The following MYO5B variants were observed in gnomAD, a reference collection of about 807,000 sequenced individuals.
MYO5B encodes the protein unconventional myosin-Vb.
MYO5B carries 143 observed loss-of-function variants against 229.3 expected under a neutral mutation model. The observed-to-expected ratio is 0.62, with a 90% CI of 0.54 to 0.72. MYO5B has a LOEUF of 0.72. Among genes scored for constraint, MYO5B ranks in the 30% least tolerant of loss-of-function variants. MYO5B has a pLI of 0.00. For missense variants in MYO5B, 2,321 were observed against 2,331.0 expected, an observed-to-expected ratio of 1.00 and a Z score of 0.09; for synonymous variants, 918 against 885.2, an observed-to-expected ratio of 1.04 and a Z score of -0.66.
intron 9 of MYO5B, among the ~76,000 whole-genome samples, chr18:49,979,004 A>G (rs917405853): frequency 6.6e-6 from 1 of 152,168 alleles, no homozygotes; most frequent in African/African-American, 2.4e-5. Context: ...ATGGGGAGGC[A>G]CAGATGCTCT....
chr18:50,070,018 CTTTT>C (rs765610800), intron 1 of MYO5B, among the ~76,000 whole-genome samples: 7 of 110,064 alleles, frequency 6.4e-5, no homozygotes, highest in African/African-American at 1.1e-4. Context: ...GCAATTTAGT[CTTTT>C]TTTTTTTTTT....
At position 50,115,912 on chromosome 18, in the gene MYO5B, C is replaced by T. The variant is rs181368719; in HGVS notation, c.28-60534G>A. 1.0e-3 allele frequency among the ~76,000 whole-genome samples: 158 copies of T among 152,104 alleles called. 2 individuals are homozygous for T. Among genetic ancestry groups the T allele is most frequent in the South Asian group, 6.2e-4 (3 of 4,802 alleles). ...TGGCTGCTTGCCTTCTACTTTTAAA[C>T]GAACAGGTTTTGAATGTTTCCAGTT... is the stretch of plus-strand genomic sequence containing the variant. On this transcript the variant is annotated intron_variant, in intron 1 of 39. Coordinates refer to ENST00000285039, the MANE Select transcript of MYO5B (RefSeq NM_001080467.3).
chr18:50,034,482 G>A (rs369205010), intron 4 of MYO5B, among the ~76,000 whole-genome samples: 54 of 152,332 alleles, frequency 3.5e-4, no homozygotes, highest in African/African-American at 1.3e-3. Context: ...GGTGGCTCAC[G>A]CCTGTAATCC....
rs1339641294 is a variant in MYO5B at position 50,001,390 on chromosome 18, G to T, written c.477C>A (p.Ile159=). ...QMARDEKNQS[I]IVSGESGAGK... is the part of the protein sequence containing the mutation. ...CGGCTCCAGACTCCCCACTGACTAT[G>T]ATGGACTGATTCTTCTCATCTCTGG... Residue 159 remains isoleucine, a synonymous_variant, in exon 5 of 40, where the codon ATC becomes ATA. Coordinates refer to ENST00000285039, the MANE Select transcript of MYO5B (RefSeq NM_001080467.3). 6.2e-7 allele frequency: 1 copy of T among 1,614,044 alleles called. No individual in the cohort carries two copies. Among genetic ancestry groups the T allele is most frequent in the South Asian group, 1.1e-5 (1 of 91,084 alleles).
chr18:50,143,769 AG>A (rs2032455209), intron 1 of MYO5B, among the ~76,000 whole-genome samples: 1 of 152,182 alleles, frequency 6.6e-6, no homozygotes, highest in Admixed American at 6.5e-5. Context: ...CAGCAATAGA[AG>A]GTCAGAACAT....
At chr18:50,041,386 C>T (rs1048777746) in intron 2 of MYO5B, among the ~76,000 whole-genome samples, 2 of 152,126 alleles carry the variant, frequency 1.3e-5, no homozygotes, top group Non-Finnish European at 2.9e-5. Flanking sequence ...CCTCTCACCC[C>T]ATCTTTAGAG....
intron 1 of MYO5B, among the ~76,000 whole-genome samples, chr18:50,069,022 A>G (rs2030889119): frequency 6.6e-6 from 1 of 152,154 alleles, no homozygotes; most frequent in Admixed American, 6.5e-5. Context: ...CTTTGTTTTC[A>G]GAATAAGTAG....
At chr18:49,922,739 G>A (rs1010874295) in intron 17 of MYO5B, among the ~76,000 whole-genome samples, 1 of 151,684 alleles carries the variant, frequency 6.6e-6, no homozygotes, top group Non-Finnish European at 1.5e-5. Context: ...CAGAAATACA[G>A]TCATTCCTTC....
intron 17 of MYO5B, among the ~76,000 whole-genome samples, chr18:49,919,247 G>A (rs959651028): frequency 1.3e-5 from 2 of 151,788 alleles, no homozygotes; most frequent in Non-Finnish European, 2.9e-5. Context: ...ATGTTAGTTA[G>A]TCTTTGTGAC....
intron 18 of MYO5B, among the ~76,000 whole-genome samples, chr18:49,907,689 G>A (rs778176803): frequency 1.3e-5 from 2 of 152,262 alleles, no homozygotes; most frequent in Non-Finnish European, 2.9e-5. Context: ...CATAGGTTAA[G>A]CCCTATTGGG....
intron 1 of MYO5B, chr18:50,097,458 T>C: frequency 1.2e-5 from 4 of 340,282 alleles, no homozygotes; most frequent in South Asian, 9.3e-5. Flanking sequence ...AAAATGGCTT[T>C]GAACTCAACC....
intron 1 of MYO5B, among the ~76,000 whole-genome samples, chr18:50,183,327 ATATATATATATC>A (rs927435710): frequency 1.5e-4 from 14 of 95,986 alleles, no homozygotes; most frequent in East Asian, 3.5e-4. Context: ...ATATATATAT[ATATATATATATC>A]TCCTTCAATA....
chr18:49,896,512 C>T (rs2024781023), intron 21 of MYO5B, among the ~76,000 whole-genome samples: 1 of 152,164 alleles, frequency 6.6e-6, no homozygotes, highest in Non-Finnish European at 1.5e-5. Flanking sequence ...GGAGTAGCCA[C>T]CCTCTGACTT....
At chr18:49,844,609 G>A (rs2024102673) in intron 33 of MYO5B, among the ~76,000 whole-genome samples, 1 of 152,232 alleles carries the variant, frequency 6.6e-6, no homozygotes, top group Non-Finnish European at 1.5e-5. Context: ...ATAACTGTAG[G>A]CCATAATACT....
At chr18:49,975,727 A>G (rs2025742708) in intron 9 of MYO5B, among the ~76,000 whole-genome samples, 1 of 152,094 alleles carries the variant, frequency 6.6e-6, no homozygotes, top group Non-Finnish European at 1.5e-5. Flanking sequence ...CTCTTTTCCT[A>G]CAGGCAAAAA....
At chr18:49,856,961 A>G (rs2024270359) in intron 29 of MYO5B, 71 bp from the exon 30 acceptor site, 3 of 1,325,248 alleles carry the variant, frequency 2.3e-6, no homozygotes, top group Non-Finnish European at 3.3e-6. Context: ...GGAGTCCTGG[A>G]AAGTGAGGAG....
chr18:49,982,751 A>C (rs2025829238), intron 8 of MYO5B, among the ~76,000 whole-genome samples: 1 of 152,250 alleles, frequency 6.6e-6, no homozygotes, highest in Admixed American at 6.5e-5. Flanking sequence ...ATGGCCCACA[A>C]AACTAAAAAA....
Position 49,877,744 on chromosome 18 carries a change from A to T in MYO5B, c.3396+19T>A. The T allele has an allele frequency of 6.2e-7, 1 of 1,613,640 alleles. No homozygotes were observed. Among genetic ancestry groups the T allele is most frequent in the Non-Finnish European group, 8.5e-7 (1 of 1,179,728 alleles). ...CTCCCTCTGGAGGAGGACAGTACCC[A>T]AGAGCCTGCATCACTCACCTCCACC... On this transcript the variant is annotated intron_variant, in intron 25 of 39. Coordinates refer to ENST00000285039, the MANE Select transcript of MYO5B (RefSeq NM_001080467.3).
At chr18:49,941,771 C>T (rs977494939) in intron 14 of MYO5B, among the ~76,000 whole-genome samples, 1 of 149,814 alleles carries the variant, frequency 6.7e-6, no homozygotes, top group Non-Finnish European at 1.5e-5. Flanking sequence ...TTTACAGATT[C>T]AATGCCATCC....
Sources: allele counts gnomAD v4.1 joint callset (sites outside exome capture counted in the v4.1 genomes callset), GRCh38; gene constraint gnomAD v4.1.1; transcripts MANE v1.5; gene names NCBI Gene and HGNC (gene_info 2026-07-23, HGNC 2026-07-21).